Variants in AGBL4 observed in about 807,000 individuals in gnomAD.
AGBL4 encodes the protein AGBL carboxypeptidase 4.
Under a neutral mutation model 66.4 loss-of-function variants are expected in AGBL4, and 58 were observed. The ratio of observed to expected loss-of-function variants is 0.87; its 90% CI spans 0.71 to 1.09. AGBL4 has a LOEUF of 1.09. AGBL4 is among the 50% of genes least tolerant of loss of function. AGBL4 has a pLI of 0.00. For synonymous variants in AGBL4, 234 were observed against 222.9 expected (o/e 1.05, Z -0.44); for missense variants, 579 against 631.0 (o/e 0.92, Z 0.88).
rs1396204431 is a variant in AGBL4, at chr1:49,085,846, CAGAG to C, written c.378-40050_378-40047del. On this transcript the variant is annotated intron_variant, in intron 4 of 13. Coordinates refer to ENST00000371839, the MANE Select transcript of AGBL4 (RefSeq NM_032785.4). ...CCCCTACCACACTTCTATACTGAGG[CAGAG>C]AGCCACCTGGACATTTTGTGGGGGC... is the stretch of plus-strand genomic sequence containing the variant. Among the ~76,000 whole-genome samples the C allele has an allele frequency of 3.9e-5, 6 of 152,240 alleles. No homozygotes were observed. In the East Asian group the frequency reaches 1.2e-3, roughly 30 times the overall value.
chr1:49,877,020 C>T (rs1208108957), intron 1 of AGBL4, among the ~76,000 whole-genome samples: 1 of 151,852 alleles, frequency 6.6e-6, no homozygotes, highest in South Asian at 2.1e-4. Flanking sequence ...TATCCTGAGA[C>T]TTTGCTGAAG....
intron 3 of AGBL4, among the ~76,000 whole-genome samples, chr1:49,425,562 T>C (rs1645638253): frequency 6.6e-6 from 1 of 152,230 alleles, no homozygotes; most frequent in African/African-American, 2.4e-5. Flanking sequence ...GACCTAAGTT[T>C]TTATTTGTAA....
At chr1:48,597,607 G>T (rs956836959) in intron 9 of AGBL4, among the ~76,000 whole-genome samples, 1 of 150,974 alleles carries the variant, frequency 6.6e-6, no homozygotes, top group Non-Finnish European at 1.5e-5. Flanking sequence ...TGGCAAAATT[G>T]TCTTTCAAAA....
At chr1:49,505,480 G>A (rs976559555) in intron 3 of AGBL4, among the ~76,000 whole-genome samples, 1 of 151,858 alleles carries the variant, frequency 6.6e-6, no homozygotes, top group Non-Finnish European at 1.5e-5. Flanking sequence ...ATTTCTGAAG[G>A]ATAGCTTTGT....
At chr1:49,335,214 T>C (rs1174168754) in intron 3 of AGBL4, among the ~76,000 whole-genome samples, 4 of 152,186 alleles carry the variant, frequency 2.6e-5, no homozygotes, top group Non-Finnish European at 5.9e-5. Context: ...GTCAAAAGCC[T>C]ATGAGTCATT....
At chr1:49,507,010 G>A (rs1346619783) in intron 3 of AGBL4, among the ~76,000 whole-genome samples, 1 of 151,920 alleles carries the variant, frequency 6.6e-6, no homozygotes, top group Non-Finnish European at 1.5e-5. Context: ...TTAATTAACA[G>A]AATGCAACAG....
chr1:49,256,748 T>C (rs988618747), intron 3 of AGBL4, among the ~76,000 whole-genome samples: 1 of 152,200 alleles, frequency 6.6e-6, no homozygotes, highest in Non-Finnish European at 1.5e-5. Context: ...TGTAATGTTA[T>C]AGTAATTAAA....
At chr1:49,026,381 C>G (rs531551681) in intron 5 of AGBL4, among the ~76,000 whole-genome samples, 21 of 152,098 alleles carry the variant, frequency 1.4e-4, no homozygotes, top group African/African-American at 4.8e-4. Context: ...AAGGAGCAAC[C>G]AATTTAGAAA....
intron 1 of AGBL4, among the ~76,000 whole-genome samples, chr1:50,009,829 A>G (rs981469180): frequency 3.9e-5 from 6 of 152,242 alleles, no homozygotes; most frequent in African/African-American, 1.4e-4. Context: ...ACATACAAAT[A>G]TCAGTAGCAT....
chr1:49,407,496 T>C (rs1411146326), intron 3 of AGBL4, among the ~76,000 whole-genome samples: 1 of 152,182 alleles, frequency 6.6e-6, no homozygotes, highest in Admixed American at 6.5e-5. Context: ...ATAATAAATC[T>C]CTTTCTATAT....
At chr1:49,520,566 C>A (rs1035878683) in intron 3 of AGBL4, among the ~76,000 whole-genome samples, 2 of 151,944 alleles carry the variant, frequency 1.3e-5, no homozygotes, top group African/African-American at 4.8e-5. Flanking sequence ...ACTTTGAATA[C>A]CCTACTTTGA....
At chr1:49,977,246 C>T (rs1658640949) in intron 1 of AGBL4, among the ~76,000 whole-genome samples, 1 of 151,218 alleles carries the variant, frequency 6.6e-6, no homozygotes, top group Admixed American at 6.6e-5. Flanking sequence ...GGCTTCACCT[C>T]CCTTCTTCCA....
intron 6 of AGBL4, among the ~76,000 whole-genome samples, chr1:48,763,950 G>A (rs536134363): frequency 1.3e-5 from 2 of 152,288 alleles, no homozygotes; most frequent in South Asian, 4.1e-4. Context: ...CATGAATGTA[G>A]GAGAACTCTG....
intron 11 of AGBL4, among the ~76,000 whole-genome samples, chr1:48,568,483 G>A (rs917338614): frequency 2.0e-5 from 3 of 152,150 alleles, no homozygotes; most frequent in Non-Finnish European, 2.9e-5. Context: ...TGCTCTTCCC[G>A]TGGAGGATCA....
intron 3 of AGBL4, among the ~76,000 whole-genome samples, chr1:49,383,389 T>C (rs1477741512): frequency 6.6e-6 from 1 of 152,154 alleles, no homozygotes; most frequent in East Asian, 1.9e-4. Flanking sequence ...ACTTTCTGAA[T>C]TCAAACATAT....
intron 5 of AGBL4, among the ~76,000 whole-genome samples, chr1:49,030,815 A>G (rs1306550887): frequency 1.4e-5 from 2 of 145,520 alleles, no homozygotes; most frequent in African/African-American, 2.5e-5. Flanking sequence ...CTGATTAAGT[A>G]GAGGCAAAAA....
chr1:49,546,606 C>T (rs1416772591), intron 3 of AGBL4, among the ~76,000 whole-genome samples: 1 of 152,074 alleles, frequency 6.6e-6, no homozygotes, highest in African/African-American at 2.4e-5. Context: ...CCCATAGTGG[C>T]TGTACTAGTC....
intron 1 of AGBL4, among the ~76,000 whole-genome samples, chr1:49,924,131 T>C (rs1571881074): frequency 1.3e-5 from 2 of 152,142 alleles, no homozygotes; most frequent in South Asian, 2.1e-4. Flanking sequence ...TGGAATACTA[T>C]GCATGCAGGG....
intron 3 of AGBL4, among the ~76,000 whole-genome samples, chr1:49,464,792 A>G (rs2148703961): frequency 6.6e-6 from 1 of 151,780 alleles, no homozygotes; most frequent in Non-Finnish European, 1.5e-5. Context: ...AGTAGCTTGA[A>G]CATAGTAGGT....
Sources: gnomAD v4.1 joint callset for allele counts (sites outside exome capture counted in the v4.1 genomes callset) on GRCh38, gnomAD v4.1.1 for gene constraint, MANE v1.5 for transcripts, NCBI Gene and HGNC (gene_info 2026-07-23, HGNC 2026-07-21) for gene names.